DNAH17: variants seen among roughly 807,000 people sequenced by gnomAD.
DNAH17 encodes the protein dynein axonemal heavy chain 17.
In DNAH17, 376 loss-of-function variants were observed where a neutral mutation model predicts 485.6. The ratio of observed to expected loss-of-function variants is 0.77; its 90% CI spans 0.71 to 0.84. The LOEUF is 0.84. Ranked by LOEUF, DNAH17 falls within the 40% of genes least tolerant of loss-of-function variation. DNAH17 has a pLI of 0.00. For synonymous variants in DNAH17, 3,031 were observed against 2,405.9 expected (o/e 1.26, Z -7.60); for missense variants, 6,370 against 5,839.3 (o/e 1.09, Z -2.96).
In DNAH17 at chr17:78,432,912, C is replaced by CG. The variant is rs1049682870; in HGVS notation, c.12225+1116_12225+1117insC. Among the ~76,000 whole-genome samples, 103 of 129,952 alleles carry CG rather than the reference C, an allele frequency of 7.9e-4. 6 individuals carry two copies. The South Asian group carries it at 0.018, about 23-fold the overall frequency. 85.3% of individuals were successfully genotyped at this position (129,952 alleles called of 152,430 possible). On this transcript the variant is annotated intron_variant, in intron 75 of 80. Coordinates refer to ENST00000389840, the MANE Select transcript of DNAH17 (RefSeq NM_173628.4). Reference sequence around the variant, plus strand: ...GCAGGCTTCAAACGTGCCCCCCCCCCCCGACCCCGGTGCCAGCACCGTTTC... The same window carrying CG: ...GCAGGCTTCAAACGTGCCCCCCCCCCGCCGACCCCGGTGCCAGCACCGTTTC...
At chr17:78,494,867 T>A in intron 39 of DNAH17, 47 bp from the exon 40 acceptor site, 1 of 1,572,672 alleles carries the variant, frequency 6.4e-7, no homozygotes, top group Non-Finnish European at 8.7e-7. Flanking sequence ...CACCTTCCTG[T>A]GGCCAGCAGG....
intron 64 of DNAH17, 133 bp downstream of exon 64, chr17:78,454,337 C>T: frequency 1.5e-6 from 1 of 673,358 alleles, no homozygotes; most frequent in African/African-American, 1.8e-5. Flanking sequence ...TGCTGTTCCC[C>T]AGGCCAGATT....
At chr17:78,478,746 T>C (rs2089216517) in intron 51 of DNAH17, 1 of 399,864 alleles carries the variant, frequency 2.5e-6, no homozygotes, top group Admixed American at 4.4e-5. Flanking sequence ...ATCATCACCA[T>C]CACCACCATC....
chr17:78,441,335 A>T, intron 71 of DNAH17, 136 bp from the exon 72 acceptor site: 6 of 961,608 alleles, frequency 6.2e-6, no homozygotes, highest in Non-Finnish European at 9.1e-6. Flanking sequence ...CTGTGGCAGG[A>T]GAGCAGAGTC....
At chr17:78,487,217 G>A (rs1363878396) in intron 44 of DNAH17, among the ~76,000 whole-genome samples, 1 of 152,202 alleles carries the variant, frequency 6.6e-6, no homozygotes, top group Admixed American at 6.5e-5. Context: ...GCCAGCTGCT[G>A]CTTTAGGCAG....
At chr17:78,554,868 TC>T (rs2091986432) in intron 14 of DNAH17, among the ~76,000 whole-genome samples, 1 of 152,188 alleles carries the variant, frequency 6.6e-6, no homozygotes, top group Non-Finnish European at 1.5e-5. Context: ...TGTCTCAGCT[TC>T]CTGAGTAGCT....
At chr17:78,494,285 C>G (rs540220368) in intron 40 of DNAH17, 112 bp from the exon 41 acceptor site, 2 of 1,438,752 alleles carry the variant, frequency 1.4e-6, no homozygotes, top group African/African-American at 2.8e-5. Context: ...GGCGCCCTTG[C>G]CCTCCGATGC....
chr17:78,432,257 A>G (rs1328740836), intron 75 of DNAH17, among the ~76,000 whole-genome samples: 1 of 152,182 alleles, frequency 6.6e-6, no homozygotes, highest in African/African-American at 2.4e-5. Flanking sequence ...CTCCCAAACT[A>G]GTCTCTGCGT....
Position 78,437,694 on chromosome 17 carries a change from G to A in DNAH17, c.11980C>T (p.Pro3994Ser), listed in dbSNP as rs749360821. Residue 3994 changes from proline (P) to serine (S), a missense_variant, in exon 74 of 81, where the codon CCC becomes TCC. By Grantham distance (74) the Pro-to-Ser change is moderately conservative. Coordinates refer to ENST00000389840, the MANE Select transcript of DNAH17 (RefSeq NM_173628.4). ...AAGTTGGCGTGCATGCCCGTGGGGG[G>A]CTCGTTGGTGATCTTGATGGCGTTC... ...LENAIKITNEPPTGMHANLHK... is the reference protein window; with the variant it reads ...LENAIKITNESPTGMHANLHK... 8 of 1,612,310 alleles carry A rather than the reference G, an allele frequency of 5.0e-6. No individual in the cohort carries two copies. The highest frequency in any genetic ancestry group is 1.1e-5 in the South Asian group (1 of 91,036).
chr17:78,485,297 C>T (rs1166207375), intron 47 of DNAH17: 44 of 618,982 alleles, frequency 7.1e-5, no homozygotes, highest in Non-Finnish European at 1.2e-4. Context: ...TGAGACACTC[C>T]CGGGGGACCT....
intron 21 of DNAH17, 23 bp downstream of exon 21, chr17:78,530,320 C>T (rs773823058): frequency 9.4e-6 from 15 of 1,587,888 alleles, no homozygotes; most frequent in African/African-American, 8.1e-5. Flanking sequence ...TTGGGCTCCC[C>T]GAGTACATGG....
At chr17:78,452,956 C>T (rs2087618176) in intron 65 of DNAH17, among the ~76,000 whole-genome samples, 1 of 124,626 alleles carries the variant, frequency 8.0e-6, no homozygotes, top group Non-Finnish European at 1.7e-5. Context: ...TGTGTTTGTA[C>T]AACATCGTGA....
In DNAH17 at chr17:78,565,968, CA is replaced by C. The variant is rs1043841258; in HGVS notation, c.1569+645del. ...TCCATCTCAAAAAACAAACAAACAA[CA>C]AAAACAAAACAAAACAAAAAACAAA... On this transcript the variant is annotated intron_variant, in intron 11 of 80. Transcript: ENST00000389840. 4.2e-4 allele frequency among the ~76,000 whole-genome samples: 63 copies of C among 151,580 alleles called. 1 individual carries two copies. The highest frequency in any genetic ancestry group is 1.5e-3 in the African/African-American group (61 of 41,032).
At position 78,543,849 on chromosome 17, in the gene DNAH17, T is replaced by C. The variant is rs1395934470; in HGVS notation, c.2532+8A>G. 3 of 1,614,004 alleles carry C rather than the reference T, an allele frequency of 1.9e-6. No individual in the cohort carries two copies. The Middle Eastern group carries it at 4.9e-4, about 266-fold the overall frequency. Reference sequence around the variant, plus strand: ...GGTTCTCAAAAAACCTCCTGGGTGTTTCCTTACTGCAACCATGGCTTGGAT... The same window carrying C: ...GGTTCTCAAAAAACCTCCTGGGTGTCTCCTTACTGCAACCATGGCTTGGAT... On this transcript the variant is annotated splice_region_variant and intron_variant, in intron 17 of 80. Coordinates refer to ENST00000389840, the MANE Select transcript of DNAH17 (RefSeq NM_173628.4).
chr17:78,572,254 C>T (rs941470820), intron 3 of DNAH17, among the ~76,000 whole-genome samples: 7 of 114,124 alleles, frequency 6.1e-5, no homozygotes, highest in Non-Finnish European at 1.1e-4. Context: ...GTCCCTTGGG[C>T]TTCCCAGGGC....
intron 25 of DNAH17, among the ~76,000 whole-genome samples, chr17:78,516,128 G>C (rs1360669238): frequency 6.7e-6 from 1 of 148,828 alleles, no homozygotes; most frequent in African/African-American, 2.5e-5. Flanking sequence ...TTGCCTTGAA[G>C]ATACGATGAT....
chr17:78,521,619 G>T (rs1050415182), intron 25 of DNAH17, among the ~76,000 whole-genome samples: 2 of 152,048 alleles, frequency 1.3e-5, no homozygotes, highest in Non-Finnish European at 2.9e-5. Context: ...TCTAGGAAAA[G>T]AGTTCATAAT....
chr17:78,424,673 G>A (rs1007533324), intron 80 of DNAH17: 1 of 154,726 alleles, frequency 6.5e-6, no homozygotes, highest in African/African-American at 2.4e-5. Flanking sequence ...TTGGTTGTGT[G>A]GGAAATGGGG....
At chr17:78,458,931 G>T (rs975202536) in intron 61 of DNAH17, 70 bp downstream of exon 61, 1 of 1,511,070 alleles carries the variant, frequency 6.6e-7, no homozygotes. Flanking sequence ...ATTTTCAACA[G>T]AGGTATTGAC....
Sources: gnomAD v4.1 joint callset for allele counts (sites outside exome capture counted in the v4.1 genomes callset) on GRCh38, gnomAD v4.1.1 for gene constraint, MANE v1.5 for transcripts, NCBI Gene and HGNC (gene_info 2026-07-23, HGNC 2026-07-21) for gene names.